The following ANKRD36C variants were observed in gnomAD, a reference collection of about 807,000 sequenced individuals.
The protein encoded by ANKRD36C is ankyrin repeat domain-containing protein 36C.
A neutral mutation model predicts 276.4 loss-of-function variants in ANKRD36C; 61 were observed. The observed-to-expected ratio is 0.22, with a 90% CI of 0.18 to 0.27. ANKRD36C has a LOEUF of 0.27. Ranked by LOEUF, ANKRD36C falls within the 10% of genes least tolerant of loss-of-function variation. ANKRD36C has a pLI of 1.00. For synonymous variants in ANKRD36C, 483 were observed against 680.1 expected (o/e 0.71, Z 4.51); for missense variants, 1,447 against 2,032.3 (o/e 0.71, Z 5.54).
chr2:95,962,743 ATACACT>A (rs1469167380), intron 6 of ANKRD36C, among the ~76,000 whole-genome samples, 196 bp from the exon 7 acceptor site: 1 of 152,170 alleles, frequency 6.6e-6, no homozygotes, highest in African/African-American at 2.4e-5. Flanking sequence ...TTCATGAAAA[ATACACT>A]TACAATTTCA....
chr2:95,910,654 T>G, intron 42 of ANKRD36C, 86 bp from the exon 45 acceptor site: 1 of 1,590,212 alleles, frequency 6.3e-7, no homozygotes, highest in Non-Finnish European at 8.5e-7. Flanking sequence ...CATCAAACTC[T>G]GTCCTCCTGC....
At position 95,918,190 on chromosome 2, in the gene ANKRD36C, C is replaced by T. The variant is rs1423318380; in HGVS notation, c.2246-148G>A. 84 of 1,355,234 alleles carry T rather than the reference C, an allele frequency of 6.2e-5. No individual in the cohort carries two copies. The East Asian group carries it at 2.1e-3, about 33-fold the overall frequency. The allele number at this position is 1,355,234 out of a possible 1,614,324, so 84.0% of individuals were successfully genotyped here. A position where few individuals can be genotyped will look rare whatever the true frequency, so the allele number is the denominator to read the frequency against. ...TCTACTTTGTGTCTTGGGACTGGAA[C>T]ATGACAGAAGTACACTGGTAAGAGG... is the stretch of plus-strand genomic sequence containing the variant. On this transcript the variant is annotated intron_variant, in intron 34 of 66. Coordinates refer to ENST00000456556, the Ensembl canonical transcript of ANKRD36C.
Position 95,855,694 on chromosome 2 carries a change from TACTC to T in ANKRD36C, c.4563_4566del (p.Lys1523SerfsTer15). 6.2e-7 allele frequency: 1 copy of T among 1,612,304 alleles called. No individual in the cohort carries two copies. The highest frequency in any genetic ancestry group is 8.5e-7 in the Non-Finnish European group (1 of 1,179,792). The stretch of plus-strand genomic sequence containing the variant: ...AGCTCAGTTTCGAGGACTCTGAACT[TACTC>T]TCAGCTTTAGAAAGTTGCAGAGAAA... On this transcript the variant is annotated frameshift_variant, in exon 63 of 67. Coordinates refer to ENST00000456556, the Ensembl canonical transcript of ANKRD36C. LOFTEE classifies it high-confidence loss of function.
In ANKRD36C at chr2:95,903,077, A is replaced by G. The variant is rs1484768478; in HGVS notation, c.2654-3741T>C. 4 of 1,566,416 alleles carry G rather than the reference A, an allele frequency of 2.6e-6. No homozygotes were observed. In the East Asian group the frequency reaches 9.4e-5, roughly 37 times the overall value. ...CCTTCAAGCCTGGTGGTTGCTCTGAAGACACTGAAAAGTAAAAGGGATTCA... is the reference window on the plus strand; with the variant it reads ...CCTTCAAGCCTGGTGGTTGCTCTGAGGACACTGAAAAGTAAAAGGGATTCA... On this transcript the variant is annotated intron_variant, in intron 42 of 66. Transcript: ENST00000456556.
intron 24 of ANKRD36C, among the ~76,000 whole-genome samples, chr2:95,933,851 G>A (rs567629905): frequency 1.4e-4 from 21 of 152,386 alleles, no homozygotes; most frequent in South Asian, 6.2e-4. Flanking sequence ...GAAAATGTTC[G>A]CAATCTCTCC....
At chr2:95,896,408 G>A (rs1676551510) in intron 44 of ANKRD36C, among the ~76,000 whole-genome samples, 3 of 148,944 alleles carry the variant, frequency 2.0e-5, no homozygotes, top group South Asian at 4.2e-4. Flanking sequence ...TTAGGAGTTA[G>A]TTAGAATTCA....
At chr2:95,974,924 A>G (rs995777844) in intron 6 of ANKRD36C, among the ~76,000 whole-genome samples, 1 of 151,128 alleles carries the variant, frequency 6.6e-6, no homozygotes, top group African/African-American at 2.4e-5. Flanking sequence ...TGTCCTTGCC[A>G]TAGTTTGCTT....
chr2:95,873,489 A>G (rs1423411844), intron 59 of ANKRD36C, among the ~76,000 whole-genome samples: 1 of 152,228 alleles, frequency 6.6e-6, no homozygotes, highest in Non-Finnish European at 1.5e-5. Flanking sequence ...AAAAACTCTC[A>G]ATAAATTAGG....
At chr2:95,911,199 C>G (rs1460846928) in intron 42 of ANKRD36C, among the ~76,000 whole-genome samples, 1 of 151,412 alleles carries the variant, frequency 6.6e-6, no homozygotes, top group Non-Finnish European at 1.5e-5. Flanking sequence ...ACTAGTTTAG[C>G]CTCCCAAACG....
intron 40 of ANKRD36C, among the ~76,000 whole-genome samples, chr2:95,912,848 A>G (rs1676975344): frequency 6.6e-6 from 1 of 151,410 alleles, no homozygotes; most frequent in Non-Finnish European, 1.5e-5. Flanking sequence ...ATTAGGCTAC[A>G]AACATTCATC....
chr2:95,972,744 T>TG (rs1361649017), intron 6 of ANKRD36C, among the ~76,000 whole-genome samples: 24 of 152,230 alleles, frequency 1.6e-4, no homozygotes, highest in Non-Finnish European at 1.5e-5. Context: ...TTGAGATTCC[T>TG]GTATTTCCGC....
At chr2:95,963,959 A>G (rs1171911582) in intron 6 of ANKRD36C, among the ~76,000 whole-genome samples, 1 of 64,292 alleles carries the variant, frequency 1.6e-5, no homozygotes, top group African/African-American at 5.7e-5. Flanking sequence ...ATATATATAA[A>G]TATATATATA....
intron 16 of ANKRD36C, among the ~76,000 whole-genome samples, chr2:95,949,020 C>T (rs558453947): frequency 2.0e-4 from 31 of 152,194 alleles, no homozygotes; most frequent in Non-Finnish European, 4.0e-4. Context: ...AGAAAAGGCA[C>T]GGTCTCTTCT....
At chr2:95,966,563 T>C (rs529702231) in intron 6 of ANKRD36C, among the ~76,000 whole-genome samples, 25 of 152,344 alleles carry the variant, frequency 1.6e-4, no homozygotes, top group Admixed American at 1.6e-3. Flanking sequence ...TTCATTACTG[T>C]AGCCTTGTAG....
chr2:95,870,794 G>C (rs192560458), intron 59 of ANKRD36C, among the ~76,000 whole-genome samples: 42 of 152,250 alleles, frequency 2.8e-4, no homozygotes, highest in African/African-American at 9.6e-4. Flanking sequence ...TGTATACCTA[G>C]AATAACCAAT....
rs1676583039 is a variant in ANKRD36C, at chr2:95,897,348, T to A, written c.2755+1797A>T. On this transcript the variant is annotated intron_variant, in intron 44 of 66. Transcript: ENST00000456556. ...TCTTTCTCATCTCTTGTAGCCTGAA[T>A]GGAATTTGAAATGAAATAATAAATT... 1.9e-6 allele frequency: 3 copies of A among 1,555,172 alleles called. No homozygotes were observed. The highest frequency in any genetic ancestry group is 2.3e-4 in the Middle Eastern group (1 of 4,312).
At chr2:95,911,208 C>T (rs768775022) in intron 42 of ANKRD36C, among the ~76,000 whole-genome samples, 8 of 151,530 alleles carry the variant, frequency 5.3e-5, no homozygotes, top group Non-Finnish European at 8.9e-5. Flanking sequence ...GCCTCCCAAA[C>T]GTTTCTTCAT....
chr2:95,912,500 C>T (rs1676962548), intron 40 of ANKRD36C, 65 bp from the exon 43 acceptor site: 6 of 1,597,492 alleles, frequency 3.8e-6, no homozygotes, highest in South Asian at 2.2e-5. Context: ...CATACATTCG[C>T]ACAGTGTTAG....
At chr2:95,849,069 G>A (rs868499242), downstream of ANKRD36C, among the ~76,000 whole-genome samples, 3 of 151,898 alleles carry the variant, frequency 2.0e-5, no homozygotes, top group Middle Eastern at 3.4e-3. Flanking sequence ...TTTCTGTTTT[G>A]TTTTGCATTT....
Sources: allele counts gnomAD v4.1 joint callset (sites outside exome capture counted in the v4.1 genomes callset), GRCh38; gene constraint gnomAD v4.1.1; transcripts MANE v1.5; gene names NCBI Gene and HGNC (gene_info 2026-07-23, HGNC 2026-07-21).